MGRN1: variants seen among roughly 807,000 people sequenced by gnomAD.
The protein encoded by MGRN1 is mahogunin ring finger 1.
MGRN1 carries 29 observed loss-of-function variants against 69.2 expected under a neutral mutation model. That is an observed-to-expected ratio of 0.42 (90% confidence interval 0.31 to 0.57). MGRN1 has a LOEUF of 0.57. Among genes scored for constraint, MGRN1 ranks in the 20% least tolerant of loss-of-function variants. The pLI, the probability that MGRN1 is intolerant of heterozygous loss-of-function variation, is 0.15. For synonymous variants in MGRN1, 470 were observed against 344.2 expected (o/e 1.37, Z -4.04); for missense variants, 998 against 796.2 (o/e 1.25, Z -3.05).
intron 1 of MGRN1, chr16:4,649,578 TCTG>T (rs1398340160): frequency 6.6e-6 from 1 of 152,310 alleles, no homozygotes; most frequent in Admixed American, 6.5e-5. Flanking sequence ...TCTCCTTTCT[TCTG>T]TTAAGAACCA....
chr16:4,638,500 G>T (rs897284712), intron 1 of MGRN1, among the ~76,000 whole-genome samples: 1 of 151,980 alleles, frequency 6.6e-6, no homozygotes, highest in Non-Finnish European at 1.5e-5. Flanking sequence ...AGCCCATGTT[G>T]ACTTCCCCAG....
intron 1 of MGRN1, among the ~76,000 whole-genome samples, chr16:4,648,764 C>T (rs1258835033): frequency 7.5e-6 from 1 of 133,532 alleles, no homozygotes; most frequent in African/African-American, 3.0e-5. Context: ...CCCGGCTCCT[C>T]CTCCCGGGGC....
intron 1 of MGRN1, among the ~76,000 whole-genome samples, chr16:4,643,281 A>T (rs2078202712): frequency 6.6e-6 from 1 of 151,952 alleles, no homozygotes; most frequent in Non-Finnish European, 1.5e-5. Flanking sequence ...TTTTTGGCAG[A>T]GATGGGGTTT....
chr16:4,661,511 C>T (rs76263204), intron 5 of MGRN1, among the ~76,000 whole-genome samples: 5,120 of 152,314 alleles, frequency 0.034, 291 homozygotes, highest in African/African-American at 0.12. Context: ...GCTTCCGTTC[C>T]ATTTTGCCAA....
intron 8 of MGRN1, among the ~76,000 whole-genome samples, chr16:4,669,958 A>T (rs551330798): frequency 7.2e-6 from 1 of 138,202 alleles, no homozygotes; most frequent in South Asian, 2.3e-4. Flanking sequence ...GCTAACAGTT[A>T]CTCCGTGTGT....
intron 1 of MGRN1, among the ~76,000 whole-genome samples, chr16:4,648,440 C>T (rs1377802500): frequency 8.2e-6 from 1 of 121,318 alleles, no homozygotes; most frequent in Non-Finnish European, 1.7e-5. Flanking sequence ...TCACCCGGCT[C>T]CTCCTCTCGG....
chr16:4,651,463 C>A (rs2078404888), intron 2 of MGRN1, among the ~76,000 whole-genome samples: 1 of 152,138 alleles, frequency 6.6e-6, no homozygotes, highest in African/African-American at 2.4e-5. Context: ...GGGAAGGGGG[C>A]CCCTCCAGAA....
chr16:4,646,779 T>A (rs532013151), intron 1 of MGRN1, among the ~76,000 whole-genome samples: 37 of 152,344 alleles, frequency 2.4e-4, no homozygotes, highest in African/African-American at 7.2e-4. Context: ...CTCGCTCATC[T>A]TCTGCCTACA....
At chr16:4,668,610 ACT>A (rs200884362) in intron 8 of MGRN1, among the ~76,000 whole-genome samples, 5,026 of 151,604 alleles carry the variant, frequency 0.033, 132 homozygotes, top group African/African-American at 0.067. Context: ...ATACACTCAC[ACT>A]CACATGCAGT....
At chr16:4,652,151 GC>G in intron 3 of MGRN1, 100 bp downstream of exon 3, 4 of 1,205,978 alleles carry the variant, frequency 3.3e-6, no homozygotes, top group Non-Finnish European at 3.5e-6. Flanking sequence ...GGCGGGAGGG[GC>G]CCCAGTTTCT....
At position 4,684,773 on chromosome 16, in the gene MGRN1, G is replaced by A. The variant is rs377562308; in HGVS notation, c.1618+841G>A. ...CAGCACCTGCCACGAGGCTGTCTGC[G>A]GCTCTGGAACTGCGATAAACAGCCA... On this transcript the variant is annotated intron_variant, in intron 16 of 16. Coordinates refer to ENST00000262370, the MANE Select transcript of MGRN1 (RefSeq NM_015246.4). Among the ~76,000 whole-genome samples the A allele has an allele frequency of 1.2e-4, 18 of 152,362 alleles. No individual in the cohort carries two copies. The South Asian group carries it at 2.9e-3, about 25-fold the overall frequency.
At position 4,652,839 on chromosome 16, in the gene MGRN1, C is replaced by T. The variant is rs749349104; in HGVS notation, c.443+15C>T. The T allele has an allele frequency of 1.7e-5, 27 of 1,579,344 alleles. No individual in the cohort carries two copies. The highest frequency in any genetic ancestry group is 1.1e-4 in the Admixed American group (6 of 56,714). ...GGCAGGGCAGTGTGAGTCCCGCGGG[C>T]GGCTGGCACCGGCCTGGCTGGGGGC... On this transcript the variant is annotated intron_variant, in intron 4 of 16. Transcript: ENST00000262370.
In MGRN1 at chr16:4,687,413, C is replaced by T. The variant is rs894079306; in HGVS notation, c.1619-1383C>T. 98 of 902,296 alleles carry T rather than the reference C, an allele frequency of 1.1e-4. No individual in the cohort carries two copies. The Admixed American group carries it at 1.7e-3, about 16-fold the overall frequency. The allele number at this position is 902,296 out of a possible 1,614,324, so 55.9% of individuals were successfully genotyped here. A position where few individuals can be genotyped will look rare whatever the true frequency, so the allele number is the denominator to read the frequency against. ...TAAAAAATTGGCTTGGGCGTGGTAG[C>T]TTGTGCCTGTGGTCCCAGCTACTCA... is the stretch of plus-strand genomic sequence containing the variant. On this transcript the variant is annotated intron_variant, in intron 16 of 16. Coordinates refer to ENST00000262370, the MANE Select transcript of MGRN1 (RefSeq NM_015246.4).
intron 1 of MGRN1, among the ~76,000 whole-genome samples, chr16:4,631,059 C>A (rs1396987268): frequency 6.6e-6 from 1 of 150,742 alleles, no homozygotes; most frequent in African/African-American, 2.4e-5. Flanking sequence ...TGGACTCAAG[C>A]AATCTGCCCA....
At chr16:4,681,491 G>T in intron 12 of MGRN1, 59 bp from the exon 13 acceptor site, 1 of 1,499,140 alleles carries the variant, frequency 6.7e-7, no homozygotes, top group South Asian at 1.2e-5. Flanking sequence ...ATCAGGAGGA[G>T]CGTCTGGGGA....
chr16:4,638,657 T>C (rs1183419731), intron 1 of MGRN1, among the ~76,000 whole-genome samples: 1 of 152,204 alleles, frequency 6.6e-6, no homozygotes, highest in Non-Finnish European at 1.5e-5. Flanking sequence ...GGGGGCATCC[T>C]GGGACCTGAT....
chr16:4,683,877 G>A lies in MGRN1; in HGVS notation c.1563G>A (p.Gln521=). 1 of 1,613,052 alleles carries A rather than the reference G, an allele frequency of 6.2e-7. No individual in the cohort carries two copies. The stretch of plus-strand genomic sequence containing the variant: ...CAGCTTCCATTGAGAATGTCCTGCA[G>A]GACAGCAGCCCCGAGCACTGTGGCC... ...TRAASIENVL[Q]DSSPEHCGRG... The change falls in exon 16 of 17, where the codon CAG becomes CAA. Residue 521 remains glutamine, a synonymous_variant. Transcript: ENST00000262370.
chr16:4,668,966 ACAAT>A (rs1567217745), intron 8 of MGRN1, among the ~76,000 whole-genome samples: 1 of 152,002 alleles, frequency 6.6e-6, no homozygotes, highest in Non-Finnish European at 1.5e-5. Context: ...ACACACTCAT[ACAAT>A]CACTCACGCA....
At chr16:4,650,739 CTG>C (rs2078387773) in intron 2 of MGRN1, 1 of 362,814 alleles carries the variant, frequency 2.8e-6, no homozygotes, top group African/African-American at 2.1e-5. Flanking sequence ...ATGGGTGCGT[CTG>C]GGCTGCAACG....
Sources: allele counts gnomAD v4.1 joint callset (sites outside exome capture counted in the v4.1 genomes callset), GRCh38; gene constraint gnomAD v4.1.1; transcripts MANE v1.5; gene names NCBI Gene and HGNC (gene_info 2026-07-23, HGNC 2026-07-21).